Variants in SOX6 observed in about 807,000 individuals in gnomAD.
SOX6 encodes SRY-box transcription factor 6.
In SOX6, 11 loss-of-function variants were observed where a neutral mutation model predicts 97.8. The ratio of observed to expected loss-of-function variants is 0.11; its 90% CI spans 0.07 to 0.19. The LOEUF (loss-of-function observed/expected upper bound fraction) is 0.19, where lower values mean the gene tolerates loss of function less well. SOX6 is among the 10% of genes least tolerant of loss of function. The pLI, the probability that SOX6 is intolerant of heterozygous loss-of-function variation, is 1.00. For synonymous variants in SOX6, 360 were observed against 371.4 expected, an observed-to-expected ratio of 0.97 and a Z score of 0.35; for missense variants, 810 against 1,039.5, an observed-to-expected ratio of 0.78 and a Z score of 3.04.
chr11:16,690,589 A>G (rs1199173094), intron 3 of SOX6, among the ~76,000 whole-genome samples: 3 of 152,224 alleles, frequency 2.0e-5, no homozygotes, highest in Non-Finnish European at 4.4e-5. Context: ...GTACCCCACT[A>G]TATGTTTTGA....
At chr11:16,494,737 G>A (rs1215779686) in intron 4 of SOX6, among the ~76,000 whole-genome samples, 1 of 152,166 alleles carries the variant, frequency 6.6e-6, no homozygotes, top group Non-Finnish European at 1.5e-5. Flanking sequence ...TGGGAGGTTG[G>A]AGAGACTCCC....
At chr11:16,661,434 G>C (rs2134019231) in intron 3 of SOX6, among the ~76,000 whole-genome samples, 1 of 152,260 alleles carries the variant, frequency 6.6e-6, no homozygotes, top group East Asian at 1.9e-4. Flanking sequence ...CATTTAAAGT[G>C]ATTATTGATG....
upstream of SOX6, among the ~76,000 whole-genome samples, chr11:16,357,106 T>C (rs576484954): frequency 6.6e-6 from 1 of 152,238 alleles, no homozygotes; most frequent in South Asian, 2.1e-4. Flanking sequence ...GTTGGAGAAC[T>C]ATGTCTCTAT....
At chr11:16,426,883 C>T (rs867055375) in intron 1 of SOX6, among the ~76,000 whole-genome samples, 2 of 120,376 alleles carry the variant, frequency 1.7e-5, no homozygotes, top group Middle Eastern at 7.8e-3. Flanking sequence ...CACTGCACTC[C>T]AGCCTGGGCG....
intron 10 of SOX6, among the ~76,000 whole-genome samples, chr11:16,055,338 C>T (rs561640117): frequency 6.6e-6 from 1 of 152,198 alleles, no homozygotes; most frequent in Admixed American, 6.5e-5. Context: ...CTATTTTGCA[C>T]TTCTTTTTAA....
intron 15 of SOX6, among the ~76,000 whole-genome samples, chr11:15,974,216 A>T (rs961316522): frequency 6.6e-6 from 1 of 152,136 alleles, no homozygotes; most frequent in South Asian, 2.1e-4. Flanking sequence ...TTTTGTACTC[A>T]TGACTTCAGG....
At chr11:16,496,895 G>A (rs550907340) in intron 4 of SOX6, among the ~76,000 whole-genome samples, 6 of 152,342 alleles carry the variant, frequency 3.9e-5, no homozygotes, top group African/African-American at 7.2e-5. Flanking sequence ...TCTGGGGAGA[G>A]TGCATAGCCA....
chr11:16,688,049 T>G (rs1314507145), intron 3 of SOX6, among the ~76,000 whole-genome samples: 1 of 152,130 alleles, frequency 6.6e-6, no homozygotes, highest in Non-Finnish European at 1.5e-5. Flanking sequence ...CTTGGCTCAC[T>G]GCAGCCTCAA....
intron 4 of SOX6, among the ~76,000 whole-genome samples, chr11:16,603,009 A>G (rs1402059330): frequency 3.3e-5 from 5 of 152,146 alleles, no homozygotes; most frequent in African/African-American, 1.2e-4. Flanking sequence ...CAACAGAGCC[A>G]GATTCCGTCT....
intron 6 of SOX6, among the ~76,000 whole-genome samples, chr11:16,176,254 A>G (rs1419235962): frequency 6.6e-6 from 1 of 151,886 alleles, no homozygotes; most frequent in Non-Finnish European, 1.5e-5. Context: ...AAACTTTTCA[A>G]TACTCTCCAT....
Position 16,610,021 on chromosome 11 carries a change from C to A in SOX6, n.609+2060G>T, listed in dbSNP as rs757432159. On this transcript the variant is annotated intron_variant and non_coding_transcript_variant, in intron 4 of 5. Transcript: ENST00000524520. The surrounding 1 kb of genome is among the most constrained non-coding windows in gnomAD (Gnocchi z 4.4). Reference sequence around the variant, plus strand: ...AGGCCAGGGCTCCCAGAACTGCCTGCGGGCCCCTTGACCTCTAAGGCCCAA... The same window carrying A: ...AGGCCAGGGCTCCCAGAACTGCCTGAGGGCCCCTTGACCTCTAAGGCCCAA... Among the ~76,000 whole-genome samples the A allele has an allele frequency of 1.1e-4, 16 of 152,196 alleles. No homozygotes were observed. The highest frequency in any genetic ancestry group is 2.1e-4 in the Non-Finnish European group (14 of 68,038).
rs192059995 is a variant in SOX6, at chr11:16,057,899, T to A, written c.1102-1998A>T. ...CATACATTCCTTTGTATGTAATCTA[T>A]TTCCTTCTCTAAAAGCATCAGGATC... is the stretch of plus-strand genomic sequence containing the variant. On this transcript the variant is annotated intron_variant, in intron 9 of 15. Coordinates refer to ENST00000683767, the MANE Select transcript of SOX6 (RefSeq NM_001367873.1). Among the ~76,000 whole-genome samples the A allele has an allele frequency of 2.5e-3, 380 of 152,268 alleles. 1 individual carries two copies. Among genetic ancestry groups the A allele is most frequent in the Non-Finnish European group, 2.4e-3 (166 of 68,000 alleles).
chr11:16,333,774 T>A (rs147085370), intron 2 of SOX6, among the ~76,000 whole-genome samples: 54 of 152,256 alleles, frequency 3.5e-4, no homozygotes, highest in African/African-American at 1.2e-3. Context: ...AAGCTACTTT[T>A]CCTATGTGTG....
intron 9 of SOX6, among the ~76,000 whole-genome samples, chr11:16,079,783 T>C (rs1415159752): frequency 1.3e-5 from 2 of 152,142 alleles, no homozygotes; most frequent in African/African-American, 4.8e-5. Flanking sequence ...TGCAAATTAT[T>C]AGTACTGCCA....
chr11:16,438,880 C>A (rs757643828), intron 1 of SOX6, among the ~76,000 whole-genome samples: 17 of 152,202 alleles, frequency 1.1e-4, no homozygotes, highest in Non-Finnish European at 2.4e-4. Flanking sequence ...CAGCTCCTAC[C>A]CTTTAAATGC....
At chr11:16,415,050 C>T (rs1316688367) in intron 1 of SOX6, among the ~76,000 whole-genome samples, 2 of 151,964 alleles carry the variant, frequency 1.3e-5, no homozygotes, top group African/African-American at 2.4e-5. Context: ...GCATTATATG[C>T]AGAAGGTACC....
At chr11:16,418,784 A>G (rs1451084646) in intron 1 of SOX6, among the ~76,000 whole-genome samples, 1 of 152,184 alleles carries the variant, frequency 6.6e-6, no homozygotes, top group Non-Finnish European at 1.5e-5. Context: ...ATGGAAAGTT[A>G]AACAGAAATT....
At position 16,363,818 on chromosome 11, in the gene SOX6, G is replaced by A. The variant is rs568081716; in HGVS notation, c.-4-22566C>T. Among the ~76,000 whole-genome samples, 10 of 151,376 alleles carry A rather than the reference G, an allele frequency of 6.6e-5. No homozygotes were observed. In the East Asian group the frequency reaches 1.4e-3, roughly 20 times the overall value. ...GCTTAAAGATAAAAAAAAAAAGTAC[G>A]TTAGAAGTTATCTGGCTCTAGCCTC... On this transcript the variant is annotated intron_variant, in intron 1 of 15. Coordinates refer to the SOX6 transcript ENST00000396356.
At chr11:16,553,635 A>G (rs1365374565) in intron 4 of SOX6, among the ~76,000 whole-genome samples, 4 of 151,864 alleles carry the variant, frequency 2.6e-5, no homozygotes, top group Non-Finnish European at 4.4e-5. Context: ...AATGGCTACA[A>G]ATCCAGCATC....
Sources: gnomAD v4.1 joint callset for allele counts (sites outside exome capture counted in the v4.1 genomes callset) on GRCh38, gnomAD v4.1.1 for gene constraint, Gnocchi (gnomAD v3.1) non-coding constraint, MANE v1.5 for transcripts, NCBI Gene and HGNC (gene_info 2026-07-23, HGNC 2026-07-21) for gene names.